Variants in RAB6A observed in about 807,000 individuals in gnomAD.
RAB6A encodes ras-related protein Rab-6A.
Under a neutral mutation model 32.3 loss-of-function variants are expected in RAB6A, and 8 were observed. The observed-to-expected ratio is 0.25, with a 90% CI of 0.15 to 0.45. RAB6A has a LOEUF of 0.45. RAB6A is among the 20% of genes least tolerant of loss of function. The pLI, the probability that RAB6A is intolerant of heterozygous loss-of-function variation, is 1.00. For synonymous variants in RAB6A, 73 were observed against 82.1 expected, an observed-to-expected ratio of 0.89 and a Z score of 0.60; for missense variants, 104 against 249.4, an observed-to-expected ratio of 0.42 and a Z score of 3.93.
chr11:73,757,100 T>TACATATATATATATATATATATAC (rs1211278255), intron 1 of RAB6A, among the ~76,000 whole-genome samples: 3 of 28,574 alleles, frequency 1.0e-4, no homozygotes, highest in African/African-American at 4.5e-4. Flanking sequence ...TATACATACA[T>TACATATATATATATATATATATAC]ATATATATAT....
intron 6 of RAB6A, among the ~76,000 whole-genome samples, chr11:73,680,813 A>G (rs1405379012): frequency 1.3e-5 from 2 of 152,176 alleles, no homozygotes; most frequent in African/African-American, 4.8e-5. Flanking sequence ...TTCTTCCATC[A>G]TTGGAATGAG....
At chr11:73,723,952 A>AT (rs925024571) in intron 2 of RAB6A, among the ~76,000 whole-genome samples, 2 of 152,082 alleles carry the variant, frequency 1.3e-5, no homozygotes, top group Non-Finnish European at 2.9e-5. Flanking sequence ...AATATATAAG[A>AT]TTTTTTTTAG....
intron 6 of RAB6A, chr11:73,704,312 G>C (rs1590843663): frequency 3.5e-6 from 1 of 286,852 alleles, no homozygotes; most frequent in East Asian, 1.0e-4. Context: ...GAGCCTGAGA[G>C]GTCAAGGCTG....
chr11:73,718,837 A>T, intron 3 of RAB6A, 119 bp from the exon 4 acceptor site: 1 of 1,613,988 alleles, frequency 6.2e-7, no homozygotes, highest in Non-Finnish European at 8.5e-7. Context: ...TGTAACTGGG[A>T]ATGAGGCTAC....
At chr11:73,706,893 G>T (rs187311791) in intron 6 of RAB6A, among the ~76,000 whole-genome samples, 1 of 152,012 alleles carries the variant, frequency 6.6e-6, no homozygotes, top group Non-Finnish European at 1.5e-5. Flanking sequence ...CAAGGCAGGC[G>T]GATCACCTGA....
chr11:73,689,239 A>G (rs1442307600), intron 6 of RAB6A, among the ~76,000 whole-genome samples: 2 of 152,096 alleles, frequency 1.3e-5, no homozygotes, highest in African/African-American at 4.8e-5. Context: ...TTTTCCATGG[A>G]CTGGGGTGCA....
intron 6 of RAB6A, among the ~76,000 whole-genome samples, chr11:73,688,592 T>A (rs971472674): frequency 1.5e-4 from 23 of 152,216 alleles, no homozygotes; most frequent in Non-Finnish European, 2.5e-4. Flanking sequence ...TGTCCCTGGG[T>A]CTTCTGCTAA....
intron 7 of RAB6A, 32 bp from the exon 8 acceptor site, chr11:73,677,994 A>T (rs1210258673): frequency 6.2e-7 from 1 of 1,608,222 alleles, no homozygotes; most frequent in South Asian, 1.1e-5. Context: ...CATAAATGGG[A>T]AAGTACAATT....
chr11:73,705,459 A>G (rs991811619), intron 6 of RAB6A, among the ~76,000 whole-genome samples: 1 of 152,162 alleles, frequency 6.6e-6, no homozygotes, highest in African/African-American at 2.4e-5. Flanking sequence ...GAGGCATGAC[A>G]ATCACTTGAA....
chr11:73,689,288 A>C (rs1469742887), intron 6 of RAB6A, among the ~76,000 whole-genome samples: 1 of 152,172 alleles, frequency 6.6e-6, no homozygotes, highest in Non-Finnish European at 1.5e-5. Context: ...TGTGATTTTC[A>C]GGCATTACTT....
At chr11:73,752,979 G>A (rs777596213) in intron 1 of RAB6A, among the ~76,000 whole-genome samples, 6 of 152,214 alleles carry the variant, frequency 3.9e-5, no homozygotes, top group Non-Finnish European at 7.3e-5. Context: ...CAAGCCAGGT[G>A]AGGTGGTGCA....
chr11:73,722,343 A>ATTT (rs537309131), intron 2 of RAB6A: 8 of 15,368 alleles, frequency 5.2e-4, no homozygotes, highest in African/African-American at 1.6e-3. Flanking sequence ...ATATATATAT[A>ATTT]TTTTTTTTTT....
chr11:73,707,320 C>A, intron 6 of RAB6A, 100 bp downstream of exon 6: 1 of 765,054 alleles, frequency 1.3e-6, no homozygotes, highest in South Asian at 1.8e-5. Flanking sequence ...GTTTGTAAGG[C>A]CTGCTCTTGC....
chr11:73,707,028 G>C (rs553792789), intron 6 of RAB6A, among the ~76,000 whole-genome samples: 1 of 151,296 alleles, frequency 6.6e-6, no homozygotes, highest in Non-Finnish European at 1.5e-5. Flanking sequence ...TGAGGCAGGA[G>C]AGCTGCTTGA....
At chr11:73,684,782 C>G (rs141207251) in intron 6 of RAB6A, among the ~76,000 whole-genome samples, 2 of 152,276 alleles carry the variant, frequency 1.3e-5, no homozygotes, top group African/African-American at 4.8e-5. Context: ...AACACATGTT[C>G]ACAGATAGAA....
chr11:73,720,913 C>T lies in RAB6A; in HGVS notation c.130-14G>A, dbSNP rs367839089. 7 of 1,588,300 alleles carry T rather than the reference C, an allele frequency of 4.4e-6. No homozygotes were observed. In the African/African-American group the frequency reaches 5.4e-5, roughly 12 times the overall value. On this transcript the variant is annotated splice_polypyrimidine_tract_variant and intron_variant, in intron 2 of 7. Transcript: ENST00000336083. ...GCCAATTGTTGCCTGTAAAACAAAA[C>T]AAAGAAGTTAACAAATAATAAGTTT...
At chr11:73,683,251 C>CTTTT (rs34363473) in intron 6 of RAB6A, among the ~76,000 whole-genome samples, 1 of 92,574 alleles carries the variant, frequency 1.1e-5, no homozygotes, top group Non-Finnish European at 2.2e-5. Flanking sequence ...ATAGACCCAT[C>CTTTT]TTTTTTTTTT....
intron 1 of RAB6A, among the ~76,000 whole-genome samples, chr11:73,745,156 C>A (rs1946567223): frequency 6.6e-6 from 1 of 152,122 alleles, no homozygotes; most frequent in South Asian, 2.1e-4. Flanking sequence ...CACATTAACA[C>A]TATCTCAAAG....
intron 1 of RAB6A, among the ~76,000 whole-genome samples, chr11:73,757,118 T>C (rs1177609012): frequency 4.1e-5 from 2 of 49,144 alleles, no homozygotes; most frequent in Non-Finnish European, 7.9e-5. Context: ...TATATATATA[T>C]ATATATATAT....
Sources: gnomAD v4.1 joint callset for allele counts (sites outside exome capture counted in the v4.1 genomes callset) on GRCh38, gnomAD v4.1.1 for gene constraint, MANE v1.5 for transcripts, NCBI Gene and HGNC (gene_info 2026-07-23, HGNC 2026-07-21) for gene names.